The following COBL variants were observed in gnomAD, a reference collection of about 807,000 sequenced individuals.
COBL encodes cordon-bleu WH2 repeat protein, also known as protein cordon-bleu.
A neutral mutation model predicts 98.8 loss-of-function variants in COBL; 51 were observed. The observed-to-expected ratio is 0.52, with a 90% CI of 0.41 to 0.65. The LOEUF is 0.65. Ranked by LOEUF, COBL falls within the 30% of genes least tolerant of loss-of-function variation. The pLI is 0.00. For missense variants in COBL, 1,617 were observed against 1,617.5 expected (o/e 1.00, Z 0.01); for synonymous variants, 634 against 651.7 (o/e 0.97, Z 0.41).
At chr7:51,102,170 A>G (rs912843372) in intron 6 of COBL, among the ~76,000 whole-genome samples, 1 of 152,146 alleles carries the variant, frequency 6.6e-6, no homozygotes, top group African/African-American at 2.4e-5. Flanking sequence ...TCCAGTTTAT[A>G]TTTTCTATAG....
intron 1 of COBL, among the ~76,000 whole-genome samples, chr7:51,293,365 C>G (rs1033467260): frequency 6.6e-6 from 1 of 152,112 alleles, no homozygotes; most frequent in Admixed American, 6.5e-5. Context: ...AAATGTCAAT[C>G]AATGGGAGAA....
At position 51,297,391 on chromosome 7, in the gene COBL, C is replaced by CTTTTTT. The variant is rs71021766; in HGVS notation, c.41+19196_41+19201dup. Among the ~76,000 whole-genome samples, 40 of 119,274 alleles carry CTTTTTT rather than the reference C, an allele frequency of 3.4e-4. 1 individual carries two copies. The highest frequency in any genetic ancestry group is 1.3e-3 in the East Asian group (5 of 3,918). 78.2% of individuals were successfully genotyped at this position (119,274 alleles called of 152,430 possible). On this transcript the variant is annotated intron_variant, in intron 1 of 12. Coordinates refer to ENST00000265136, the MANE Select transcript of COBL (RefSeq NM_015198.5). ...AGCTAAGTTTCATCATTTTGAAAAT[C>CTTTTTT]TTTTTTTTTTTTTTTTTTGAGATGG...
rs777251193 is a variant in COBL at position 51,114,545 on chromosome 7, A to G, written c.957+21613T>C. On this transcript the variant is annotated intron_variant, in intron 6 of 12. Transcript: ENST00000265136. ...TATAAGACAGTAAATCTGGAGAGAG[A>G]TGAGAGAAAAGACTAACCTGGAAGT... 1.0e-3 allele frequency among the ~76,000 whole-genome samples: 155 copies of G among 152,304 alleles called. 1 individual carries two copies. Among genetic ancestry groups the G allele is most frequent in the Non-Finnish European group, 7.8e-4 (53 of 68,016 alleles).
intron 1 of COBL, among the ~76,000 whole-genome samples, chr7:51,289,336 A>G (rs1800677835): frequency 6.6e-6 from 1 of 152,164 alleles, no homozygotes; most frequent in East Asian, 1.9e-4. Flanking sequence ...AGGCTCCCAG[A>G]GCCACAGACC....
chr7:51,209,906 CA>C (rs1249616051), intron 2 of COBL, among the ~76,000 whole-genome samples: 2 of 152,140 alleles, frequency 1.3e-5, no homozygotes, highest in Non-Finnish European at 2.9e-5. Context: ...TCTTTTAGTC[CA>C]ATAACTGGTG....
intron 6 of COBL, among the ~76,000 whole-genome samples, chr7:51,099,513 A>G (rs1795625903): frequency 6.6e-6 from 1 of 152,228 alleles, no homozygotes; most frequent in South Asian, 2.1e-4. Flanking sequence ...AAATAATCGC[A>G]TAATTCCATT....
chr7:51,042,879 C>G (rs894237691), intron 8 of COBL, among the ~76,000 whole-genome samples: 4 of 152,158 alleles, frequency 2.6e-5, no homozygotes, highest in African/African-American at 9.7e-5. Context: ...AACAAGGGGA[C>G]CTTGCAGACA....
intron 7 of COBL, among the ~76,000 whole-genome samples, chr7:51,074,584 T>C (rs1437296800): frequency 6.6e-6 from 1 of 152,220 alleles, no homozygotes; most frequent in African/African-American, 2.4e-5. Flanking sequence ...AGAGAAGTTC[T>C]TCAACATGGT....
At chr7:51,233,181 A>G (rs536491656) in intron 1 of COBL, among the ~76,000 whole-genome samples, 2 of 152,360 alleles carry the variant, frequency 1.3e-5, no homozygotes, top group South Asian at 4.1e-4. Context: ...ATGTATAGTG[A>G]CAGAAAACAC....
At chr7:51,290,834 C>T (rs544387286) in intron 1 of COBL, among the ~76,000 whole-genome samples, 17 of 152,328 alleles carry the variant, frequency 1.1e-4, no homozygotes, top group African/African-American at 4.1e-4. Flanking sequence ...CAGGTAGGAA[C>T]TCCAGTGCCA....
chr7:51,303,628 A>C (rs1802199391), intron 1 of COBL, among the ~76,000 whole-genome samples: 1 of 152,224 alleles, frequency 6.6e-6, no homozygotes, highest in African/African-American at 2.4e-5. Flanking sequence ...ATATGAAGTT[A>C]ATGTGCCTGG....
Position 51,313,640 on chromosome 7 carries a change from G to GA in COBL, c.41+2952dup, listed in dbSNP as rs572752719. ...ACAGAAACATGTCTTTCCTCCATAG[G>GA]AAAAAAAAAATTAAGCATGGTCCTG... On this transcript the variant is annotated intron_variant, in intron 1 of 12. Transcript: ENST00000265136. 2.3e-4 allele frequency among the ~76,000 whole-genome samples: 34 copies of GA among 150,146 alleles called. No individual in the cohort carries two copies. In the South Asian group the frequency reaches 4.4e-3, roughly 20 times the overall value.
At chr7:51,185,111 T>G (rs186664227) in intron 4 of COBL, among the ~76,000 whole-genome samples, 3 of 152,326 alleles carry the variant, frequency 2.0e-5, no homozygotes, top group South Asian at 2.1e-4. Flanking sequence ...TAGAGCCAGG[T>G]TGGAACCTTC....
chr7:51,229,461 C>T (rs1437286218), intron 1 of COBL, among the ~76,000 whole-genome samples: 1 of 152,188 alleles, frequency 6.6e-6, no homozygotes, highest in African/African-American at 2.4e-5. Flanking sequence ...TGGCAGCAAC[C>T]TTACTTCCTT....
chr7:51,020,336 G>C (rs916278348), intron 12 of COBL, among the ~76,000 whole-genome samples: 3 of 152,160 alleles, frequency 2.0e-5, no homozygotes, highest in Admixed American at 6.5e-5. Context: ...AGCTTCTTTG[G>C]AAAAGTTCCT....
intron 1 of COBL, among the ~76,000 whole-genome samples, chr7:51,277,776 T>A (rs987384543): frequency 2.0e-5 from 3 of 152,060 alleles, no homozygotes; most frequent in Non-Finnish European, 4.4e-5. Context: ...GGCAGGGCAT[T>A]GTGAGAGCAG....
At chr7:51,114,305 C>T (rs1241012782) in intron 6 of COBL, among the ~76,000 whole-genome samples, 2 of 151,960 alleles carry the variant, frequency 1.3e-5, no homozygotes, top group Non-Finnish European at 2.9e-5. Context: ...TGTCTCTCTA[C>T]CGTGCTGCCC....
At position 51,029,145 on chromosome 7, in the gene COBL, C is replaced by T; in HGVS notation, c.1951G>A (p.Val651Met). The T allele has an allele frequency of 6.2e-7, 1 of 1,614,210 alleles. No homozygotes were observed. The highest frequency in any genetic ancestry group is 1.1e-5 in the South Asian group (1 of 91,080). ...DNLNAKVKDK[V>M]YGCADGERTQ... The stretch of plus-strand genomic sequence containing the variant: ...CTCTCCCCGTCAGCACAGCCATACA[C>T]TTTGTCTTTCACTTTTGCATTTAGG... The change falls in exon 10 of 13, where the codon GTG (valine) becomes ATG (methionine). Residue 651 changes from valine to methionine, a missense_variant. By Grantham distance (21) the Val-to-Met change is conservative. This residue lies in a region of COBL where 1,304 missense variants were observed against 1,282.0 expected (regional missense o/e 1.02). Transcript: ENST00000265136.
At chr7:51,309,743 T>G (rs1802834609) in intron 1 of COBL, among the ~76,000 whole-genome samples, 1 of 152,206 alleles carries the variant, frequency 6.6e-6, no homozygotes, top group Non-Finnish European at 1.5e-5. Context: ...CAGGGGTTGT[T>G]CTGTGCATCA....
Sources: gnomAD v4.1 joint callset for allele counts (sites outside exome capture counted in the v4.1 genomes callset) on GRCh38, gnomAD v4.1.1 for gene constraint, gnomAD v4.1.1 regional missense constraint, MANE v1.5 for transcripts, NCBI Gene and HGNC (gene_info 2026-07-23, HGNC 2026-07-21) for gene names.